The following PLEKHA6 variants were observed in gnomAD, a reference collection of about 807,000 sequenced individuals.
The protein encoded by PLEKHA6 is pleckstrin homology domain-containing family A member 6.
In PLEKHA6, 60 loss-of-function variants were observed where a neutral mutation model predicts 116.7. The observed-to-expected ratio is 0.51, with a 90% CI of 0.42 to 0.64. The LOEUF (loss-of-function observed/expected upper bound fraction) is 0.64, where lower values mean the gene tolerates loss of function less well. PLEKHA6 is among the 30% of genes least tolerant of loss of function. The pLI, the probability that PLEKHA6 is intolerant of heterozygous loss-of-function variation, is 0.00. For synonymous variants in PLEKHA6, 489 were observed against 556.1 expected (o/e 0.88, Z 1.70); for missense variants, 1,338 against 1,422.7 (o/e 0.94, Z 0.96).
intron 1 of PLEKHA6, among the ~76,000 whole-genome samples, chr1:204,349,165 C>T (rs1673186070): frequency 1.3e-5 from 2 of 152,136 alleles, no homozygotes. Context: ...TGGCTCCAGG[C>T]CCTCAATTTT....
At chr1:204,237,904 A>G (rs1264819019) in intron 17 of PLEKHA6, among the ~76,000 whole-genome samples, 6 of 152,234 alleles carry the variant, frequency 3.9e-5, no homozygotes, top group Non-Finnish European at 8.8e-5. Context: ...TTGACAAGAC[A>G]TTTGCATGCC....
At chr1:204,252,600 G>C (rs1664707062) in intron 9 of PLEKHA6, among the ~76,000 whole-genome samples, 1 of 152,158 alleles carries the variant, frequency 6.6e-6, no homozygotes, top group Non-Finnish European at 1.5e-5. Flanking sequence ...CATTAGGGAA[G>C]ATTATCTGGG....
intron 1 of PLEKHA6, among the ~76,000 whole-genome samples, chr1:204,280,753 C>A (rs533538686): frequency 6.6e-6 from 1 of 152,178 alleles, no homozygotes; most frequent in Middle Eastern, 3.2e-3. Context: ...CTGTGCCTCC[C>A]CATCTGGATC....
At chr1:204,237,271 C>T (rs988116362) in intron 17 of PLEKHA6, among the ~76,000 whole-genome samples, 2 of 152,188 alleles carry the variant, frequency 1.3e-5, no homozygotes, top group Non-Finnish European at 2.9e-5. Context: ...GCTGGAAGAA[C>T]CCCCACATTG....
At chr1:204,286,850 C>T (rs1002981432) in intron 1 of PLEKHA6, among the ~76,000 whole-genome samples, 3 of 152,196 alleles carry the variant, frequency 2.0e-5, no homozygotes, top group Non-Finnish European at 4.4e-5. Context: ...TCTACTTCCC[C>T]TTCTTTCTTG....
At chr1:204,354,229 T>C (rs569128908) in intron 1 of PLEKHA6, among the ~76,000 whole-genome samples, 1 of 152,280 alleles carries the variant, frequency 6.6e-6, no homozygotes, top group African/African-American at 2.4e-5. Context: ...GAGCTCCGAC[T>C]AACCCGAGGA....
intron 1 of PLEKHA6, among the ~76,000 whole-genome samples, chr1:204,304,178 G>A (rs1467155980): frequency 1.3e-5 from 2 of 152,098 alleles, no homozygotes; most frequent in Non-Finnish European, 2.9e-5. Context: ...GATAGAAGAC[G>A]ACCTCCCTCA....
At chr1:204,300,015 A>G (rs1670657058) in intron 1 of PLEKHA6, among the ~76,000 whole-genome samples, 1 of 152,156 alleles carries the variant, frequency 6.6e-6, no homozygotes, top group African/African-American at 2.4e-5. Flanking sequence ...CCTAGAGATG[A>G]CCCAGAAATG....
intron 3 of PLEKHA6, among the ~76,000 whole-genome samples, chr1:204,270,219 A>G (rs969922328): frequency 4.0e-5 from 6 of 151,740 alleles, no homozygotes; most frequent in Non-Finnish European, 8.8e-5. Context: ...AATCTCCTCT[A>G]CTTCCACTCT....
chr1:204,311,321 A>G (rs1440582886), intron 1 of PLEKHA6, among the ~76,000 whole-genome samples: 1 of 152,050 alleles, frequency 6.6e-6, no homozygotes, highest in African/African-American at 2.4e-5. Flanking sequence ...GAGAAACCTC[A>G]TCTCTCCTAA....
chr1:204,358,797 A>T (rs577627415), intron 1 of PLEKHA6, among the ~76,000 whole-genome samples: 10 of 150,842 alleles, frequency 6.6e-5, no homozygotes, highest in Admixed American at 1.3e-4. Context: ...CCGGTTCTCC[A>T]TCTCTGCTCT....
At chr1:204,337,860 G>C (rs554616271) in intron 1 of PLEKHA6, among the ~76,000 whole-genome samples, 3 of 152,192 alleles carry the variant, frequency 2.0e-5, no homozygotes, top group African/African-American at 4.8e-5. Context: ...CGTCAACTGC[G>C]TTGCCAGCCA....
intron 1 of PLEKHA6, among the ~76,000 whole-genome samples, chr1:204,315,792 G>A (rs1025916500): frequency 1.8e-4 from 28 of 152,168 alleles, no homozygotes; most frequent in Non-Finnish European, 1.2e-4. Context: ...TGAGGGCAGC[G>A]TGAGTGGGGA....
At position 204,257,381 on chromosome 1, in the gene PLEKHA6, A is replaced by G; in HGVS notation, c.1496T>C (p.Val499Ala). 1.3e-6 allele frequency: 2 copies of G among 1,563,676 alleles called. No individual in the cohort carries two copies. Among genetic ancestry groups the G allele is most frequent in the Non-Finnish European group, 1.7e-6 (2 of 1,153,540 alleles). Residue 499 changes from valine to alanine, a missense_variant, in exon 9 of 23, where the codon GTG becomes GCG. By Grantham distance (64) the Val-to-Ala change is moderately conservative. This residue lies in a region of PLEKHA6 where 1,136 missense variants were observed against 1,163.6 expected (regional missense o/e 0.98). Coordinates refer to ENST00000272203, the MANE Select transcript of PLEKHA6 (RefSeq NM_014935.5). The surrounding 1 kb of genome is among the most constrained non-coding windows in gnomAD (Gnocchi z 6.5). ...GGGGGAGCTGATGGATCGCCTCATC[A>G]CATAGGCAGCAGGGTCAGCATAGAT... ...EDIYADPAAY[V>A]MRRSISSPKV...
At chr1:204,264,794 C>G in intron 6 of PLEKHA6, 148 bp downstream of exon 6, 2 of 694,354 alleles carry the variant, frequency 2.9e-6, no homozygotes, top group South Asian at 3.3e-5. Context: ...CATTACTACT[C>G]CTCCTCCCCC....
chr1:204,287,038 TAA>T (rs1309818550), intron 1 of PLEKHA6, among the ~76,000 whole-genome samples: 2 of 152,126 alleles, frequency 1.3e-5, no homozygotes, highest in Non-Finnish European at 2.9e-5. Context: ...ATCTGCTTTC[TAA>T]ACTGGCACAG....
intron 5 of PLEKHA6, 22 bp from the exon 6 acceptor site, chr1:204,265,064 G>GA (rs1666614372): frequency 6.6e-7 from 1 of 1,516,836 alleles, no homozygotes; most frequent in Non-Finnish European, 9.0e-7. Context: ...AGAGGCACAA[G>GA]AAGGGTGTGT....
chr1:204,282,915 C>G (rs1668777406), intron 1 of PLEKHA6: 1 of 498,342 alleles, frequency 2.0e-6, no homozygotes, highest in African/African-American at 2.1e-5. Context: ...AAAAAAGGCC[C>G]CAGCCCCCTC....
At chr1:204,278,113 G>C (rs1396039361) in intron 1 of PLEKHA6, among the ~76,000 whole-genome samples, 4 of 152,194 alleles carry the variant, frequency 2.6e-5, no homozygotes, top group Non-Finnish European at 5.9e-5. Context: ...GAATTCTTCA[G>C]CGGCTAAAGA....
Sources: gnomAD v4.1 joint callset for allele counts (sites outside exome capture counted in the v4.1 genomes callset) on GRCh38, gnomAD v4.1.1 for gene constraint, gnomAD v4.1.1 regional missense constraint, Gnocchi (gnomAD v3.1) non-coding constraint, MANE v1.5 for transcripts, NCBI Gene and HGNC (gene_info 2026-07-23, HGNC 2026-07-21) for gene names.